The following SERPINA12 variants were observed in gnomAD, a reference collection of about 807,000 sequenced individuals.
SERPINA12 encodes serpin family A member 12, also known as serpin A12.
In SERPINA12, 21 loss-of-function variants were observed where a neutral mutation model predicts 25.9. That is an observed-to-expected ratio of 0.81 (90% CI 0.58 to 1.17). SERPINA12 has a LOEUF of 1.17. Ranked by LOEUF, SERPINA12 falls within the 50% of genes most tolerant of loss-of-function variation. The probability of loss-of-function intolerance (pLI) is 0.00; values close to 1 mark genes in which losing one functional copy is unlikely to be tolerated. For synonymous variants in SERPINA12, 220 were observed against 196.0 expected (o/e 1.12, Z -1.02); for missense variants, 562 against 508.3 (o/e 1.11, Z -1.02).
At chr14:94,517,021 G>A (rs1197599299) in intron 1 of SERPINA12, among the ~76,000 whole-genome samples, 2 of 152,232 alleles carry the variant, frequency 1.3e-5, no homozygotes, top group Non-Finnish European at 2.9e-5. Context: ...CGGGGGAAAA[G>A]CAGTGAACTT....
chr14:94,502,024 ATG>A (rs10626991), intron 1 of SERPINA12, among the ~76,000 whole-genome samples: 10,071 of 144,080 alleles, frequency 0.07, 600 homozygotes, highest in African/African-American at 0.17. Flanking sequence ...TTAGTTTGGA[ATG>A]TGTGTGTGTG....
intron 3 of SERPINA12, among the ~76,000 whole-genome samples, chr14:94,495,088 A>G (rs1244766704): frequency 5.0e-5 from 3 of 59,632 alleles, no homozygotes; most frequent in Non-Finnish European, 8.1e-5. Flanking sequence ...TTTTTTTTTG[A>G]GATGGAGTCT....
intron 3 of SERPINA12, among the ~76,000 whole-genome samples, chr14:94,492,234 TG>T (rs1900207359): frequency 6.6e-6 from 1 of 152,054 alleles, no homozygotes; most frequent in South Asian, 2.1e-4. Flanking sequence ...GAAGCTGGAC[TG>T]GAGTGGATTT....
intron 1 of SERPINA12, among the ~76,000 whole-genome samples, chr14:94,505,899 G>A (rs568974632): frequency 7.2e-5 from 11 of 152,318 alleles, no homozygotes; most frequent in East Asian, 1.9e-4. Flanking sequence ...CCAGCCAGGC[G>A]CTACACCTGG....
At chr14:94,513,558 A>G (rs560092940), upstream of SERPINA12, among the ~76,000 whole-genome samples, 1 of 152,252 alleles carries the variant, frequency 6.6e-6, no homozygotes, top group East Asian at 1.9e-4. Context: ...AAAACTGAGG[A>G]AATGTTTGAG....
At chr14:94,492,439 G>T (rs1181473541) in intron 3 of SERPINA12, among the ~76,000 whole-genome samples, 1 of 152,212 alleles carries the variant, frequency 6.6e-6, no homozygotes, top group African/African-American at 2.4e-5. Context: ...TGCCTGCACA[G>T]AAGGCAGACA....
At position 94,495,218 on chromosome 14, in the gene SERPINA12, G is replaced by A. The variant is rs987924921; in HGVS notation, c.905+1155C>T. On this transcript the variant is annotated intron_variant, in intron 3 of 4. Coordinates refer to ENST00000677451, the MANE Select transcript of SERPINA12 (RefSeq NM_001382267.1). ...CAAGTAGCTGGGACTACAGGCGCCC[G>A]CCACTACGCCCGGCTAATTTTTTGT... 1.1e-4 allele frequency among the ~76,000 whole-genome samples: 16 copies of A among 150,992 alleles called. No individual in the cohort carries two copies. In the East Asian group the frequency reaches 1.4e-3, roughly 13 times the overall value.
At chr14:94,510,194 G>T, upstream of SERPINA12, 1 of 985,426 alleles carries the variant, frequency 1.0e-6, no homozygotes, top group South Asian at 4.7e-5. Context: ...CATTGGATCT[G>T]TGGTTGCCTG....
chr14:94,495,616 C>T (rs1900384422), intron 3 of SERPINA12, among the ~76,000 whole-genome samples: 1 of 152,140 alleles, frequency 6.6e-6, no homozygotes, highest in Admixed American at 6.5e-5. Context: ...ATGACAGGGA[C>T]AAGGTGGAAG....
chr14:94,494,379 C>T (rs143363166), intron 3 of SERPINA12, among the ~76,000 whole-genome samples: 21 of 152,298 alleles, frequency 1.4e-4, no homozygotes, highest in East Asian at 1.2e-3. Flanking sequence ...TCCTTTCACA[C>T]GGAACATGGC....
At chr14:94,495,214 G>T (rs1007397991) in intron 3 of SERPINA12, among the ~76,000 whole-genome samples, 7 of 149,798 alleles carry the variant, frequency 4.7e-5, no homozygotes, top group African/African-American at 1.5e-4. Context: ...GACTACAGGC[G>T]CCCGCCACTA....
rs145295115 is a variant in SERPINA12 at position 94,500,816 on chromosome 14, G to A, written c.-33-2386C>T. The A allele has an allele frequency of 1.9e-4, 182 of 982,342 alleles. 1 individual carries two copies. The African/African-American group carries it at 2.9e-3, about 16-fold the overall frequency. 60.9% of individuals were successfully genotyped at this position (982,342 alleles called of 1,614,324 possible). ...CCCACCTTGCCTCTGGACCCCCAGTGACGTTGAGTTACATGGTCACTTCCT... is the reference window on the plus strand; with the variant it reads ...CCCACCTTGCCTCTGGACCCCCAGTAACGTTGAGTTACATGGTCACTTCCT... On this transcript the variant is annotated intron_variant, in intron 1 of 4. Coordinates refer to ENST00000677451, the MANE Select transcript of SERPINA12 (RefSeq NM_001382267.1).
intron 1 of SERPINA12, among the ~76,000 whole-genome samples, chr14:94,499,233 C>T (rs1226720462): frequency 6.6e-6 from 1 of 152,152 alleles, no homozygotes; most frequent in African/African-American, 2.4e-5. Flanking sequence ...TCCAGGAAAC[C>T]TTCTTCCCTA....
intron 2 of SERPINA12, among the ~76,000 whole-genome samples, chr14:94,514,808 C>T (rs1038044477): frequency 6.6e-6 from 1 of 152,090 alleles, no homozygotes; most frequent in Non-Finnish European, 1.5e-5. Context: ...TGACTCAGGG[C>T]TTCTGCAGCC....
At chr14:94,510,017 C>A, upstream of SERPINA12, 8 of 985,414 alleles carry the variant, frequency 8.1e-6, no homozygotes, top group Non-Finnish European at 9.6e-6. Context: ...GCAGGCAGCC[C>A]ATCCATCCAA....
At chr14:94,508,637 A>G (rs1344691088) in intron 1 of SERPINA12, among the ~76,000 whole-genome samples, 1 of 152,234 alleles carries the variant, frequency 6.6e-6, no homozygotes, top group Non-Finnish European at 1.5e-5. Flanking sequence ...GCATATATGG[A>G]TATACCATCT....
chr14:94,497,837 C>G lies in SERPINA12; in HGVS notation c.561G>C (p.Gly187=). 6.2e-7 allele frequency: 1 copy of G among 1,614,104 alleles called. No individual in the cohort carries two copies. The highest frequency in any genetic ancestry group is 8.5e-7 in the Non-Finnish European group (1 of 1,180,016). The part of the protein sequence containing the change: ...INDFISQKTH[G]KINNLIENID... ...TATTCTCGATCAGGTTGTTAATTTT[C>G]CCATGGGTTTTTTGACTGATAAAGT... The change falls in exon 2 of 5, where the codon GGG becomes GGC. Residue 187 remains glycine, a synonymous_variant. Transcript: ENST00000677451.
In SERPINA12 at chr14:94,496,650, T is replaced by C. The variant is rs151268505; in HGVS notation, c.635-7A>G. 3.8e-5 allele frequency: 61 copies of C among 1,612,904 alleles called. No homozygotes were observed. The East Asian group carries it at 8.9e-4, about 24-fold the overall frequency. On this transcript the variant is annotated splice_region_variant and splice_polypyrimidine_tract_variant and intron_variant, in intron 2 of 4. Coordinates refer to ENST00000677451, the MANE Select transcript of SERPINA12 (RefSeq NM_001382267.1). ...AACTCATGTTTCCACCTGGCTTAGA[T>C]TGAAGAAAGACAAACAGACATGTTA...
upstream of SERPINA12, among the ~76,000 whole-genome samples, chr14:94,512,706 T>A (rs573082536): frequency 6.6e-6 from 1 of 152,136 alleles, no homozygotes; most frequent in Non-Finnish European, 1.5e-5. Context: ...ACAGCAAAAA[T>A]CAAATGTTAA....
Sources: gnomAD v4.1 joint callset for allele counts (sites outside exome capture counted in the v4.1 genomes callset) on GRCh38, gnomAD v4.1.1 for gene constraint, MANE v1.5 for transcripts, NCBI Gene and HGNC (gene_info 2026-07-23, HGNC 2026-07-21) for gene names.